The following PI4KA variants were observed in gnomAD, a reference collection of about 807,000 sequenced individuals.
PI4KA encodes the protein PI4-kinase alpha.
PI4KA carries 122 observed loss-of-function variants against 271.4 expected under a neutral mutation model. The observed-to-expected ratio is 0.45, with a 90% confidence interval of 0.39 to 0.52. The LOEUF (loss-of-function observed/expected upper bound fraction) is 0.52, where lower values mean the gene tolerates loss of function less well. Ranked by LOEUF, PI4KA falls within the 20% of genes least tolerant of loss-of-function variation. The probability of loss-of-function intolerance (pLI) is 0.00; values close to 1 mark genes in which losing one functional copy is unlikely to be tolerated. For synonymous variants in PI4KA, 1,041 were observed against 1,078.8 expected, an observed-to-expected ratio of 0.96 and a Z score of 0.69; for missense variants, 1,969 against 2,769.1, an observed-to-expected ratio of 0.71 and a Z score of 6.48.
intron 28 of PI4KA, among the ~76,000 whole-genome samples, chr22:20,748,848 C>CG (rs1446441941): frequency 6.6e-6 from 1 of 152,004 alleles, no homozygotes; most frequent in East Asian, 1.9e-4. Context: ...AGGGCAGATT[C>CG]GGGGAAGGCT....
In PI4KA at chr22:20,734,090, G is replaced by T; in HGVS notation, c.4005C>A (p.Ala1335=). Residue 1335 remains alanine (A), a synonymous_variant, in exon 34 of 55, where the codon GCC becomes GCA. Coordinates refer to ENST00000255882, the MANE Select transcript of PI4KA (RefSeq NM_058004.4). ...CCACGTGCCGGTTCATGCTCCCCTT[G>T]GCCCCGCCGATGTTCAGGGACATGG... ...QRSMSLNIGG[A]KGSMNRHVAA... is the part of the protein sequence containing the mutation. 3.1e-6 allele frequency: 5 copies of T among 1,608,140 alleles called. No individual in the cohort carries two copies. Among genetic ancestry groups the T allele is most frequent in the Non-Finnish European group, 4.2e-6 (5 of 1,178,092 alleles).
At position 20,729,690 on chromosome 22, in the gene PI4KA, C is replaced by T. The variant is rs1321087379; in HGVS notation, c.4430G>A (p.Arg1477Gln). 5.7e-6 allele frequency: 9 copies of T among 1,591,100 alleles called. No homozygotes were observed. Among genetic ancestry groups the T allele is most frequent in the African/African-American group, 5.4e-5 (4 of 74,646 alleles). ...KKSGMSKKTN[R>Q]GSQLHKYYMK... The stretch of plus-strand genomic sequence containing the variant: ...GTAGTATTTGTGCAGCTGGGAGCCC[C>T]GGTTGGTTTTCTTAGACATGCCTAG... The change falls in exon 38 of 55, where the codon CGG becomes CAG. Residue 1477 changes from arginine to glutamine, a missense_variant. Around this residue, in one of 13 missense-constraint regions of PI4KA, gnomAD observed 388 missense variants for 521.5 expected, o/e 0.74. Coordinates refer to ENST00000255882, the MANE Select transcript of PI4KA (RefSeq NM_058004.4).
intron 14 of PI4KA, 57 bp from the exon 15 acceptor site, chr22:20,799,823 G>A: frequency 8.5e-7 from 1 of 1,176,080 alleles, no homozygotes; most frequent in Non-Finnish European, 1.2e-6. Context: ...TAGGTTTTTT[G>A]TTTTTTAATT....
chr22:20,732,094 T>C (rs1401427981), intron 36 of PI4KA, among the ~76,000 whole-genome samples: 3 of 142,048 alleles, frequency 2.1e-5, no homozygotes, highest in African/African-American at 8.0e-5. Context: ...GAATGGCACA[T>C]ACCCGGGAGG....
chr22:20,815,379 C>CAAAAAAAAAAAAAAAAAA (rs361826), intron 7 of PI4KA, among the ~76,000 whole-genome samples: 12 of 83,952 alleles, frequency 1.4e-4, no homozygotes, highest in East Asian at 3.3e-4. Context: ...GACTGCGTCT[C>CAAAAAAAAAAAAAAAAAA]AAAAAAAAAA....
chr22:20,805,379 A>G (rs952356383), intron 10 of PI4KA, among the ~76,000 whole-genome samples: 1 of 152,224 alleles, frequency 6.6e-6, no homozygotes, highest in Non-Finnish European at 1.5e-5. Flanking sequence ...CAATCAGAGG[A>G]AATGATCATT....
At chr22:20,820,428 G>A (rs915891329) in intron 5 of PI4KA, 111 bp downstream of exon 5, 26 of 730,866 alleles carry the variant, frequency 3.6e-5, no homozygotes, top group Non-Finnish European at 5.6e-5. Flanking sequence ...AAATAGGAAG[G>A]TTTTCTCCCA....
intron 47 of PI4KA, 81 bp downstream of exon 47, chr22:20,714,377 A>G: frequency 6.6e-7 from 1 of 1,511,864 alleles, no homozygotes; most frequent in South Asian, 1.3e-5. Flanking sequence ...AGCTATACTA[A>G]ATTTAACACA....
intron 53 of PI4KA, 69 bp downstream of exon 53, chr22:20,709,839 T>C: frequency 1.1e-6 from 1 of 886,348 alleles, no homozygotes. Context: ...AAGGTACCTA[T>C]CTTGGATGGA....
At chr22:20,811,313 A>G (rs1465019407) in intron 8 of PI4KA, among the ~76,000 whole-genome samples, 1 of 152,186 alleles carries the variant, frequency 6.6e-6, no homozygotes, top group Non-Finnish European at 1.5e-5. Flanking sequence ...TTCTGTTTCC[A>G]GGATGTGCAG....
chr22:20,772,564 C>G (rs1445861035), intron 19 of PI4KA, among the ~76,000 whole-genome samples: 1 of 152,168 alleles, frequency 6.6e-6, no homozygotes, highest in Non-Finnish European at 1.5e-5. Context: ...CACAATGGAC[C>G]TTTACACTCT....
At chr22:20,774,489 G>A (rs766636927) in intron 19 of PI4KA, among the ~76,000 whole-genome samples, 18 of 152,226 alleles carry the variant, frequency 1.2e-4, no homozygotes, top group Middle Eastern at 3.2e-3. Context: ...GGGGCCGGGT[G>A]CAGTGGCTCA....
intron 18 of PI4KA, among the ~76,000 whole-genome samples, chr22:20,793,808 TAG>T (rs1934799768): frequency 6.6e-6 from 1 of 152,266 alleles, no homozygotes; most frequent in South Asian, 2.1e-4. Flanking sequence ...TAATAAAAGA[TAG>T]ACTCTCTGGC....
intron 1 of PI4KA, among the ~76,000 whole-genome samples, chr22:20,840,112 G>A (rs1241556503): frequency 1.3e-5 from 2 of 152,198 alleles, no homozygotes; most frequent in African/African-American, 4.8e-5. Context: ...AAACCTGGCA[G>A]ATGAAACTAA....
intron 3 of PI4KA, among the ~76,000 whole-genome samples, chr22:20,832,878 T>C (rs1273439936): frequency 6.6e-6 from 1 of 152,226 alleles, no homozygotes; most frequent in Non-Finnish European, 1.5e-5. Flanking sequence ...CCTATCCATA[T>C]TCTGAATTCT....
At chr22:20,853,722 G>A (rs552660313) in intron 1 of PI4KA, among the ~76,000 whole-genome samples, 2 of 152,192 alleles carry the variant, frequency 1.3e-5, no homozygotes, top group East Asian at 3.9e-4. Flanking sequence ...CAAGGGTCTT[G>A]GCTTTGGCTA....
intron 1 of PI4KA, among the ~76,000 whole-genome samples, chr22:20,853,059 A>C (rs1331137564): frequency 6.6e-6 from 1 of 152,230 alleles, no homozygotes; most frequent in Non-Finnish European, 1.5e-5. Flanking sequence ...CAAAATGGTG[A>C]GACTCCGTCT....
Position 20,708,035 on chromosome 22 carries a change from A to T in PI4KA, c.*12T>A, listed in dbSNP as rs759988134. On this transcript the variant is annotated 3_prime_UTR_variant, in exon 55 of 55. Coordinates refer to ENST00000255882, the MANE Select transcript of PI4KA (RefSeq NM_058004.4). ...AGGGCACATGGGGCAGAGGCCCTCG[A>T]AGGTCCCCTCCTCAGTAGGGGATGT... is the stretch of plus-strand genomic sequence containing the variant. 1 of 1,607,156 alleles carries T rather than the reference A, an allele frequency of 6.2e-7. No homozygotes were observed. The highest frequency in any genetic ancestry group is 1.7e-5 in the Admixed American group (1 of 60,012).
chr22:20,742,163 G>A, intron 32 of PI4KA, 65 bp downstream of exon 32: 1 of 1,551,952 alleles, frequency 6.4e-7, no homozygotes, highest in Non-Finnish European at 8.8e-7. Flanking sequence ...GGCGGCACCA[G>A]GGAAGGCTCT....
Sources: allele counts gnomAD v4.1 joint callset (sites outside exome capture counted in the v4.1 genomes callset), GRCh38; gene constraint gnomAD v4.1.1; regional missense constraint gnomAD v4.1.1; transcripts MANE v1.5; gene names NCBI Gene and HGNC (gene_info 2026-07-23, HGNC 2026-07-21).